Variants in DMD observed in about 807,000 individuals in gnomAD.
The protein encoded by DMD is mutant dystrophin.
DMD carries 63 observed loss-of-function variants against 330.1 expected under a neutral mutation model. The ratio of observed to expected loss-of-function variants is 0.19; its 90% CI spans 0.16 to 0.24. The LOEUF (loss-of-function observed/expected upper bound fraction) is 0.24. DMD is among the 10% of genes least tolerant of loss of function. DMD has a pLI of 1.00. For missense variants in DMD, 3,344 were observed against 2,684.1 expected (o/e 1.25, Z -5.43); for synonymous variants, 1,223 against 959.8 (o/e 1.27, Z -5.07).
chrX:32,658,110 C>T (rs1157464531), intron 9 of DMD, among the ~76,000 whole-genome samples: 1 of 111,467 alleles, frequency 9.0e-6, no homozygotes, highest in East Asian at 2.8e-4. Context: ...TAATTGTGAG[C>T]TATGAGGAGA....
At chrX:32,521,931 G>C (rs1192766608) in intron 17 of DMD, among the ~76,000 whole-genome samples, 2 of 111,379 alleles carry the variant, frequency 1.8e-5, no homozygotes, top group African/African-American at 3.3e-5. Flanking sequence ...ATGATCTGAA[G>C]AGATCAGTGT....
intron 1 of DMD, among the ~76,000 whole-genome samples, chrX:33,029,222 A>T (rs1351195222): frequency 2.7e-5 from 3 of 111,898 alleles, no homozygotes; most frequent in Non-Finnish European, 5.6e-5. Flanking sequence ...TAGACATAAA[A>T]CTAACTTTCA....
chrX:33,232,354 A>T (rs2052403223), intron 1 of DMD, among the ~76,000 whole-genome samples: 1 of 112,428 alleles, frequency 8.9e-6, no homozygotes, highest in Non-Finnish European at 1.9e-5. Context: ...ATATAATAAC[A>T]GCAAGAAGAA....
chrX:32,945,532 T>G (rs1268706146), intron 2 of DMD, among the ~76,000 whole-genome samples: 1 of 111,202 alleles, frequency 9.0e-6, no homozygotes, highest in South Asian at 3.8e-4. Flanking sequence ...GACTAGAATA[T>G]GCAAAATAGC....
intron 1 of DMD, among the ~76,000 whole-genome samples, chrX:33,257,644 T>C: frequency 9.0e-6 from 1 of 111,244 alleles, no homozygotes; most frequent in Non-Finnish European, 1.9e-5. Flanking sequence ...GTGATGAAAC[T>C]ATGTGATACC....
chrX:32,887,776 A>C (rs1241184420), intron 2 of DMD, among the ~76,000 whole-genome samples: 52 of 95,078 alleles, frequency 5.5e-4, no homozygotes, highest in African/African-American at 1.7e-3. Context: ...AAAAAAAAAA[A>C]CATCAACTAA....
intron 45 of DMD, among the ~76,000 whole-genome samples, chrX:31,951,179 A>G (rs1480658177): frequency 1.0e-4 from 10 of 97,052 alleles, no homozygotes; most frequent in Admixed American, 2.3e-4. Context: ...ATATATGTAT[A>G]TATATATATC....
intron 44 of DMD, among the ~76,000 whole-genome samples, chrX:32,114,766 G>C (rs1008596285): frequency 2.7e-5 from 3 of 112,252 alleles, no homozygotes; most frequent in African/African-American, 9.7e-5. Flanking sequence ...TTACTATTTA[G>C]CAATGGATAC....
intron 67 of DMD, among the ~76,000 whole-genome samples, chrX:31,202,732 A>G (rs904261368): frequency 5.4e-5 from 6 of 112,034 alleles, no homozygotes; most frequent in Non-Finnish European, 1.1e-4. Context: ...GAAACCCTAC[A>G]TAAGAAAAAC....
chrX:31,709,357 T>C (rs1013068036), intron 52 of DMD, among the ~76,000 whole-genome samples: 2 of 111,636 alleles, frequency 1.8e-5, no homozygotes, highest in Non-Finnish European at 3.8e-5. Flanking sequence ...AAGAACTGGG[T>C]CTTTAACGAA....
intron 2 of DMD, among the ~76,000 whole-genome samples, chrX:32,865,624 G>A (rs2082419237): frequency 8.9e-6 from 1 of 112,536 alleles, no homozygotes; most frequent in South Asian, 3.6e-4. Flanking sequence ...ACCCAAAGCT[G>A]CTTAGGCAAA....
chrX:33,242,160 C>A (rs2052596604), intron 1 of DMD, among the ~76,000 whole-genome samples: 1 of 111,556 alleles, frequency 9.0e-6, no homozygotes, highest in Non-Finnish European at 1.9e-5. Context: ...TATTTGATTG[C>A]ATGACTAAGT....
chrX:32,594,771 G>A (rs375151656), intron 13 of DMD, among the ~76,000 whole-genome samples: 3 of 111,539 alleles, frequency 2.7e-5, no homozygotes, highest in South Asian at 3.7e-4. Flanking sequence ...AACTAGGTAA[G>A]ACAAGATTAT....
chrX:33,076,399 A>AC (rs1237073157), intron 1 of DMD, among the ~76,000 whole-genome samples: 40 of 111,632 alleles, frequency 3.6e-4, no homozygotes, highest in African/African-American at 1.1e-3. Context: ...GGCAAGGTGA[A>AC]CCTGATGGCA....
intron 18 of DMD, among the ~76,000 whole-genome samples, chrX:32,506,913 G>C (rs1483562414): frequency 3.6e-5 from 4 of 111,604 alleles, no homozygotes; most frequent in Non-Finnish European, 7.6e-5. Context: ...ACAACATCTA[G>C]TTAAAAGTAA....
intron 2 of DMD, among the ~76,000 whole-genome samples, chrX:32,982,037 G>A (rs968905981): frequency 6.3e-5 from 7 of 111,015 alleles, no homozygotes; most frequent in African/African-American, 1.3e-4. Flanking sequence ...AAGTATTAAC[G>A]GTAAGATAGA....
chrX:31,879,689 A>AT (rs973933097), intron 47 of DMD, among the ~76,000 whole-genome samples: 3 of 108,154 alleles, frequency 2.8e-5, no homozygotes, highest in East Asian at 2.8e-4. Context: ...TTTAACACAT[A>AT]TTTTTTTTGT....
chrX:32,432,729 C>T (rs768750876), intron 29 of DMD, among the ~76,000 whole-genome samples: 1 of 112,210 alleles, frequency 8.9e-6, no homozygotes, highest in Non-Finnish European at 1.9e-5. Flanking sequence ...AACATATTGA[C>T]AAATTAATAA....
intron 1 of DMD, among the ~76,000 whole-genome samples, chrX:33,081,683 T>C (rs1477327222): frequency 8.9e-6 from 1 of 111,808 alleles, no homozygotes; most frequent in African/African-American, 3.3e-5. Context: ...CAGTGGAGGG[T>C]GAGGAATGTT....
Sources: gnomAD v4.1 joint callset for allele counts (sites outside exome capture counted in the v4.1 genomes callset) on GRCh38, gnomAD v4.1.1 for gene constraint, MANE v1.5 for transcripts, NCBI Gene and HGNC (gene_info 2026-07-23, HGNC 2026-07-21) for gene names.